The following DYM variants were observed in gnomAD, a reference collection of about 807,000 sequenced individuals.
DYM encodes dymeclin, also known as dyggve-Melchior-Clausen syndrome protein.
DYM carries 78 observed loss-of-function variants against 93.1 expected under a neutral mutation model. The observed-to-expected ratio is 0.84, with a 90% CI of 0.70 to 1.01. The LOEUF (loss-of-function observed/expected upper bound fraction) is 1.01, where lower values mean the gene tolerates loss of function less well. Among genes scored for constraint, DYM ranks in the 50% least tolerant of loss-of-function variants. The probability of loss-of-function intolerance (pLI) is 0.00; values close to 1 mark genes in which losing one functional copy is unlikely to be tolerated. For synonymous variants in DYM, 321 were observed against 319.7 expected, an observed-to-expected ratio of 1.00 and a Z score of -0.04; for missense variants, 789 against 845.0, an observed-to-expected ratio of 0.93 and a Z score of 0.82.
At chr18:49,374,998 A>G (rs944521728) in intron 5 of DYM, among the ~76,000 whole-genome samples, 1 of 152,096 alleles carries the variant, frequency 6.6e-6, no homozygotes, top group Admixed American at 6.5e-5. Flanking sequence ...TTAGAGCAGA[A>G]TCTCAAAAGT....
At chr18:49,318,963 A>T (rs550835344) in intron 8 of DYM, among the ~76,000 whole-genome samples, 144 of 150,954 alleles carry the variant, frequency 9.5e-4, no homozygotes, top group African/African-American at 3.2e-3. Flanking sequence ...ACCACGCCCA[A>T]CTAATTTTTT....
chr18:49,042,303 AC>A lies in DYM; in HGVS notation c.*1751del, dbSNP rs2070985332. On this transcript the variant is annotated 3_prime_UTR_variant, in exon 18 of 18. Transcript: ENST00000675505. ...TGGGGACAGGAGGCAAGCTGCACTC[AC>A]CTCTGGGACCCCACCCGGGATGGGC... is the stretch of plus-strand genomic sequence containing the variant. The A allele has an allele frequency of 6.6e-6, 1 of 152,524 alleles. No individual in the cohort carries two copies. The highest frequency in any genetic ancestry group is 2.4e-5 in the African/African-American group (1 of 41,406). 9.4% of individuals were successfully genotyped at this position (152,524 alleles called of 1,614,324 possible).
chr18:49,425,890 G>A (rs2074236044), intron 2 of DYM, among the ~76,000 whole-genome samples: 1 of 151,916 alleles, frequency 6.6e-6, no homozygotes, highest in Non-Finnish European at 1.5e-5. Context: ...AAAAAGTCAG[G>A]AAACAACAGG....
chr18:49,234,774 G>A (rs2093810794), intron 13 of DYM, among the ~76,000 whole-genome samples: 1 of 152,192 alleles, frequency 6.6e-6, no homozygotes, highest in Non-Finnish European at 1.5e-5. Flanking sequence ...ATCCAAATAT[G>A]CACAATCTAA....
chr18:49,198,252 A>G (rs1350330216), intron 14 of DYM, among the ~76,000 whole-genome samples: 1 of 152,212 alleles, frequency 6.6e-6, no homozygotes, highest in Non-Finnish European at 1.5e-5. Flanking sequence ...AAAGACTTAG[A>G]TGTTAGACCT....
At chr18:49,255,126 C>T (rs2094364562) in intron 13 of DYM, among the ~76,000 whole-genome samples, 1 of 152,174 alleles carries the variant, frequency 6.6e-6, no homozygotes, top group African/African-American at 2.4e-5. Flanking sequence ...AAACAGACAA[C>T]TTAATTTTGA....
intron 5 of DYM, among the ~76,000 whole-genome samples, chr18:49,370,060 T>C (rs1282284360): frequency 6.6e-6 from 1 of 152,170 alleles, no homozygotes; most frequent in Admixed American, 6.5e-5. Flanking sequence ...GCGGACCACT[T>C]GAGGTCGGGA....
At chr18:49,119,017 A>G (rs2082152296) in intron 15 of DYM, 91 bp from the exon 16 acceptor site, 1 of 1,051,578 alleles carries the variant, frequency 9.5e-7, no homozygotes, top group Non-Finnish European at 1.4e-6. Flanking sequence ...TCAAAATTAT[A>G]ACAGCATTGG....
At chr18:49,310,700 C>T (rs1402289347) in intron 8 of DYM, among the ~76,000 whole-genome samples, 1 of 152,128 alleles carries the variant, frequency 6.6e-6, no homozygotes, top group Non-Finnish European at 1.5e-5. Flanking sequence ...AAATGTTCCT[C>T]TATATTAGTA....
At chr18:49,198,371 A>G (rs1373292723) in intron 14 of DYM, among the ~76,000 whole-genome samples, 3 of 152,114 alleles carry the variant, frequency 2.0e-5, no homozygotes, top group Admixed American at 1.3e-4. Flanking sequence ...AAAAGCCAAA[A>G]TTGACAAATG....
At chr18:49,388,925 A>G (rs2068901608) in intron 3 of DYM, among the ~76,000 whole-genome samples, 1 of 151,468 alleles carries the variant, frequency 6.6e-6, no homozygotes, top group Non-Finnish European at 1.5e-5. Flanking sequence ...AAAAAAAAAA[A>G]AAAGAAAAAA....
intron 15 of DYM, among the ~76,000 whole-genome samples, chr18:49,162,526 T>C (rs1283819043): frequency 6.6e-6 from 1 of 152,232 alleles, no homozygotes; most frequent in Non-Finnish European, 1.5e-5. Context: ...CATGAATTCA[T>C]TAATCCATTT....
At chr18:49,286,369 A>G (rs2145829440) in intron 9 of DYM, 65 bp downstream of exon 9, 2 of 1,563,064 alleles carry the variant, frequency 1.3e-6, no homozygotes, top group Middle Eastern at 1.7e-4. Context: ...ATAAGACAAT[A>G]AACAATATAG....
Position 49,432,727 on chromosome 18 carries a change from C to T in DYM, c.-53-2280G>A, listed in dbSNP as rs111403686. Reference sequence around the variant, plus strand: ...CCTGGGCTCAAGGGAGCCTCATTGCCTCAGCCTCCTAAGTAGCTGGAACTA... The same window carrying T: ...CCTGGGCTCAAGGGAGCCTCATTGCTTCAGCCTCCTAAGTAGCTGGAACTA... On this transcript the variant is annotated intron_variant, in intron 1 of 17. Transcript: ENST00000675505. Among the ~76,000 whole-genome samples, 1,171 of 151,676 alleles carry T rather than the reference C, an allele frequency of 7.7e-3. 32 individuals are homozygous for T. Among genetic ancestry groups the T allele is most frequent in the South Asian group, 0.075 (361 of 4,800 alleles).
intron 15 of DYM, among the ~76,000 whole-genome samples, chr18:49,127,991 G>A (rs2082983294): frequency 2.0e-5 from 3 of 152,190 alleles, no homozygotes; most frequent in Non-Finnish European, 4.4e-5. Flanking sequence ...TGGTTTGAAT[G>A]TGACCCACAA....
At chr18:49,187,650 G>T (rs904818633) in intron 14 of DYM, among the ~76,000 whole-genome samples, 4 of 152,068 alleles carry the variant, frequency 2.6e-5, no homozygotes, top group Non-Finnish European at 2.9e-5. Flanking sequence ...ATAACAGAAT[G>T]AGAATGAAAC....
At chr18:49,096,423 G>A (rs1194703578) in intron 17 of DYM, among the ~76,000 whole-genome samples, 2 of 152,144 alleles carry the variant, frequency 1.3e-5, no homozygotes, top group Non-Finnish European at 2.9e-5. Flanking sequence ...TCTAGTGATA[G>A]TGCTGAAAAA....
intron 6 of DYM, among the ~76,000 whole-genome samples, chr18:49,339,244 G>A (rs377743344): frequency 2.6e-5 from 4 of 152,280 alleles, no homozygotes; most frequent in African/African-American, 4.8e-5. Flanking sequence ...AGACACACAC[G>A]CGTGCATGCG....
intron 15 of DYM, among the ~76,000 whole-genome samples, chr18:49,122,449 G>A (rs1460241010): frequency 4.6e-5 from 7 of 152,166 alleles, no homozygotes; most frequent in South Asian, 2.1e-4. Flanking sequence ...TGAACTGCAC[G>A]TGTGAGGGAT....
Sources: gnomAD v4.1 joint callset for allele counts (sites outside exome capture counted in the v4.1 genomes callset) on GRCh38, gnomAD v4.1.1 for gene constraint, MANE v1.5 for transcripts, NCBI Gene and HGNC (gene_info 2026-07-23, HGNC 2026-07-21) for gene names.